The following CPXM2 variants were observed in gnomAD, a reference collection of about 807,000 sequenced individuals.
The protein encoded by CPXM2 is inactive carboxypeptidase-like protein X2.
In CPXM2, 66 loss-of-function variants were observed where a neutral mutation model predicts 86.1. The ratio of observed to expected loss-of-function variants is 0.77; its 90% CI spans 0.63 to 0.94. The LOEUF is 0.94. Ranked by LOEUF, CPXM2 falls within the 40% of genes least tolerant of loss-of-function variation. The probability of loss-of-function intolerance (pLI) is 0.00; values close to 1 mark genes in which losing one functional copy is unlikely to be tolerated. For synonymous variants in CPXM2, 388 were observed against 400.2 expected (o/e 0.97, Z 0.36); for missense variants, 948 against 1,026.3 (o/e 0.92, Z 1.04).
intron 3 of CPXM2, among the ~76,000 whole-genome samples, chr10:123,845,119 CACAGAGG>C (rs1848471882): frequency 6.6e-6 from 1 of 150,914 alleles, no homozygotes; most frequent in Admixed American, 6.6e-5. Flanking sequence ...ACCCCCACTC[CACAGAGG>C]ACCTGAAATT....
chr10:123,867,952 G>A (rs1944822691), intron 2 of CPXM2, among the ~76,000 whole-genome samples: 1 of 152,152 alleles, frequency 6.6e-6, no homozygotes, highest in African/African-American at 2.4e-5. Flanking sequence ...AATTATGCAG[G>A]ATGAGGAAAC....
chr10:123,907,805 T>C (rs1212630773), intron 2 of CPXM2, among the ~76,000 whole-genome samples: 1 of 151,878 alleles, frequency 6.6e-6, no homozygotes, highest in African/African-American at 2.4e-5. Flanking sequence ...ATCCCTGCCT[T>C]CATGGAGCTT....
At chr10:123,838,593 C>T (rs1027795226) in intron 4 of CPXM2, among the ~76,000 whole-genome samples, 4 of 152,212 alleles carry the variant, frequency 2.6e-5, no homozygotes, top group Non-Finnish European at 2.9e-5. Context: ...TGAACAGCAA[C>T]ATCCATTTGG....
intron 4 of CPXM2, among the ~76,000 whole-genome samples, chr10:123,833,655 C>A (rs1848215622): frequency 6.6e-6 from 1 of 152,224 alleles, no homozygotes; most frequent in African/African-American, 2.4e-5. Flanking sequence ...TCGCACAGTC[C>A]AGGAAACTGA....
In CPXM2 at chr10:123,884,096, GA is replaced by G. The variant is rs369944347; in HGVS notation, c.305-3788del. Among the ~76,000 whole-genome samples the G allele has an allele frequency of 4.1e-3, 615 of 149,152 alleles. 1 individual carries two copies. The highest frequency in any genetic ancestry group is 0.014 in the African/African-American group (566 of 40,752). On this transcript the variant is annotated intron_variant, in intron 1 of 13. Transcript: ENST00000241305. ...TTACAGTAGCAACCCCCAGAAGCCAGAAAAAAAAAATGCTTTGCTGCAATTT... is the reference window on the plus strand; with the variant it reads ...TTACAGTAGCAACCCCCAGAAGCCAGAAAAAAAAATGCTTTGCTGCAATTT...
chr10:123,851,124 G>A lies in CPXM2; in HGVS notation c.514-8636C>T, dbSNP rs114301469. 7.1e-3 allele frequency among the ~76,000 whole-genome samples: 1,076 copies of A among 152,132 alleles called. 13 individuals carry two copies. Among genetic ancestry groups the A allele is most frequent in the African/African-American group, 0.024 (995 of 41,484 alleles). On this transcript the variant is annotated intron_variant, in intron 3 of 13. Transcript: ENST00000241305. ...GAAAGCTCTTTTTCTCATGGCCATTGGCCATGACATTGCTCCATAACCACA... is the reference window on the plus strand; with the variant it reads ...GAAAGCTCTTTTTCTCATGGCCATTAGCCATGACATTGCTCCATAACCACA...
intron 2 of CPXM2, among the ~76,000 whole-genome samples, chr10:123,920,912 A>G (rs1035507976): frequency 6.6e-6 from 1 of 152,192 alleles, no homozygotes; most frequent in African/African-American, 2.4e-5. Flanking sequence ...TCATGCAGTA[A>G]GAAGGCCTTC....
chr10:123,876,754 A>G (rs1944994879), intron 2 of CPXM2, among the ~76,000 whole-genome samples: 1 of 152,198 alleles, frequency 6.6e-6, no homozygotes, highest in Non-Finnish European at 1.5e-5. Flanking sequence ...AGGCACACAA[A>G]AGACCCCAAG....
chr10:123,917,050 G>A (rs1392400817), intron 2 of CPXM2, among the ~76,000 whole-genome samples: 12 of 152,262 alleles, frequency 7.9e-5, no homozygotes, highest in Admixed American at 4.6e-4. Context: ...GGAAGGGAGG[G>A]GAGGGAAGGC....
intron 2 of CPXM2, chr10:123,914,027 A>AC (rs1945513714): frequency 2.0e-6 from 1 of 497,282 alleles, no homozygotes; most frequent in African/African-American, 1.9e-5. Context: ...TCAGAATCCA[A>AC]CCTTAAAGGC....
At chr10:123,783,912 C>T (rs1297460075) in intron 6 of CPXM2, among the ~76,000 whole-genome samples, 1 of 152,164 alleles carries the variant, frequency 6.6e-6, no homozygotes, top group Admixed American at 6.5e-5. Context: ...GATCGACAAA[C>T]TCCAGAAGTA....
At chr10:123,789,488 G>C (rs1314678518) in intron 6 of CPXM2, among the ~76,000 whole-genome samples, 3 of 152,230 alleles carry the variant, frequency 2.0e-5, no homozygotes, top group Non-Finnish European at 4.4e-5. Context: ...GCTTTCAAGA[G>C]TGTGGCTGTT....
rs1846147599 is a variant in CPXM2 at position 123,754,283 on chromosome 10, T to C, written c.2017+380A>G. Among the ~76,000 whole-genome samples, 1 of 152,176 alleles carries C rather than the reference T, an allele frequency of 6.6e-6. No homozygotes were observed. Among genetic ancestry groups the C allele is most frequent in the Non-Finnish European group, 1.5e-5 (1 of 68,026 alleles). Reference sequence around the variant, plus strand: ...TTCTCCCTCTCCGGAGCAGCCTGGCTCCCTCGCTCCCTGGCCCCTCTGCAC... The same window carrying C: ...TTCTCCCTCTCCGGAGCAGCCTGGCCCCCTCGCTCCCTGGCCCCTCTGCAC... On this transcript the variant is annotated intron_variant, in intron 13 of 13. Coordinates refer to ENST00000241305, the MANE Select transcript of CPXM2 (RefSeq NM_198148.3). This position sits in a 1 kb window ranked among gnomAD's most constrained non-coding sequence, Gnocchi z 4.0.
In CPXM2 at chr10:123,871,710, T is replaced by C. The variant is rs528828138; in HGVS notation, c.403+8501A>G. ...CAAGTACTGACCTCAACAGAAAATATTGATGATTGGTCTATATTAAATTTA... is the reference window on the plus strand; with the variant it reads ...CAAGTACTGACCTCAACAGAAAATACTGATGATTGGTCTATATTAAATTTA... On this transcript the variant is annotated intron_variant, in intron 2 of 13. Coordinates refer to ENST00000241305, the MANE Select transcript of CPXM2 (RefSeq NM_198148.3). Among the ~76,000 whole-genome samples, 100 of 152,306 alleles carry C rather than the reference T, an allele frequency of 6.6e-4. No individual in the cohort carries two copies. In the South Asian group the frequency reaches 6.6e-3, roughly 10 times the overall value.
At chr10:123,886,313 A>C (rs1945177121) in intron 1 of CPXM2, among the ~76,000 whole-genome samples, 1 of 152,226 alleles carries the variant, frequency 6.6e-6, no homozygotes. Context: ...CCAGGAGAAG[A>C]CATTTCCATC....
chr10:123,942,536 C>G (rs186494833), upstream of CPXM2, among the ~76,000 whole-genome samples: 3 of 152,192 alleles, frequency 2.0e-5, no homozygotes, highest in Non-Finnish European at 4.4e-5. Context: ...ACCAGCACCA[C>G]GACAGTTTAC....
chr10:123,866,480 G>A (rs1476981380), intron 2 of CPXM2, among the ~76,000 whole-genome samples: 2 of 151,930 alleles, frequency 1.3e-5, no homozygotes, highest in South Asian at 2.1e-4. Context: ...CAGGAGAATC[G>A]CTTAAACCTG....
At chr10:123,792,100 A>G (rs1327028477) in intron 6 of CPXM2, among the ~76,000 whole-genome samples, 1 of 152,230 alleles carries the variant, frequency 6.6e-6, no homozygotes, top group African/African-American at 2.4e-5. Context: ...TTAGCGAGTC[A>G]CAGAGAGGAC....
At chr10:123,899,849 T>C (rs1394037602) in intron 2 of CPXM2, among the ~76,000 whole-genome samples, 1 of 152,206 alleles carries the variant, frequency 6.6e-6, no homozygotes, top group Non-Finnish European at 1.5e-5. Flanking sequence ...TAAACATATC[T>C]TTGTAACCTA....
Sources: gnomAD v4.1 joint callset for allele counts (sites outside exome capture counted in the v4.1 genomes callset) on GRCh38, gnomAD v4.1.1 for gene constraint, Gnocchi (gnomAD v3.1) non-coding constraint, MANE v1.5 for transcripts, NCBI Gene and HGNC (gene_info 2026-07-23, HGNC 2026-07-21) for gene names.